PPP6R2: variants seen among roughly 807,000 people sequenced by gnomAD.
The protein encoded by PPP6R2 is serine/threonine-protein phosphatase 6 regulatory subunit 2.
In PPP6R2, 62 loss-of-function variants were observed where a neutral mutation model predicts 100.2. That is an observed-to-expected ratio of 0.62 (90% CI 0.50 to 0.76). PPP6R2 has a LOEUF of 0.76. Ranked by LOEUF, PPP6R2 falls within the 30% of genes least tolerant of loss-of-function variation. The probability of loss-of-function intolerance (pLI) is 0.00; values close to 1 mark genes in which losing one functional copy is unlikely to be tolerated. For missense variants in PPP6R2, 1,142 were observed against 1,276.3 expected, an observed-to-expected ratio of 0.89 and a Z score of 1.60; for synonymous variants, 525 against 514.7, an observed-to-expected ratio of 1.02 and a Z score of -0.27.
intron 18 of PPP6R2, 132 bp downstream of exon 18, chr22:50,438,430 A>G (rs1244228284): frequency 6.8e-6 from 10 of 1,469,300 alleles, no homozygotes; most frequent in South Asian, 2.7e-5. Context: ...CTGGGGCCCA[A>G]TGCAGCGGGT....
At chr22:50,414,348 CCCG>C (rs2060219994) in intron 4 of PPP6R2, among the ~76,000 whole-genome samples, 1 of 74,356 alleles carries the variant, frequency 1.3e-5, no homozygotes, top group Non-Finnish European at 4.0e-5. Flanking sequence ...CCCCCCCCCC[CCCG>C]CCCAGACCCT....
chr22:50,334,243 C>A, the PPP6R2 span, among the ~76,000 whole-genome samples: 295 of 152,282 alleles, frequency 1.9e-3, 1 homozygote, highest in African/African-American at 6.0e-3. Context: ...TTTTCCTGGT[C>A]CGCTGAGTAA....
rs368676108 is a variant in PPP6R2, at chr22:50,440,995, A to G, written c.2548A>G (p.Thr850Ala). ...CGGCCGGGAGGCCCCCCCGCTGCCC[A>G]CAGTGGCCAGGACAGAGGAGGCTGT... is the stretch of plus-strand genomic sequence containing the variant. ...GPGREAPPLP[T>A]VARTEEAVGR... The change falls in exon 22 of 24, where the codon ACA (threonine) becomes GCA (alanine). Residue 850 changes from threonine to alanine, a missense_variant. Thr to Ala is a moderately conservative substitution (Grantham distance 58, BLOSUM62 0). This residue lies in a region of PPP6R2 where 550 missense variants were observed against 517.4 expected (regional missense o/e 1.06). Transcript: ENST00000612753. 6.3e-4 allele frequency: 1,019 copies of G among 1,609,024 alleles called. No homozygotes were observed. The highest frequency in any genetic ancestry group is 8.1e-4 in the Non-Finnish European group (954 of 1,177,644).
chr22:50,396,068 G>A (rs539524690), intron 3 of PPP6R2, among the ~76,000 whole-genome samples: 40 of 151,250 alleles, frequency 2.6e-4, no homozygotes, highest in African/African-American at 9.0e-4. Flanking sequence ...AGTGGCGCAC[G>A]CCTGTAATCT....
chr22:50,441,036 G>A lies in PPP6R2; in HGVS notation c.2579+10G>A, dbSNP rs1325925482. On this transcript the variant is annotated intron_variant, in intron 22 of 23. Coordinates refer to ENST00000612753, the MANE Select transcript of PPP6R2 (RefSeq NM_001242898.2). Reference sequence around the variant, plus strand: ...AGGAGGCTGTCGGCAGGTGTGTGGGGCGTGGCGGGGGCGGGCCTGCCGGGT... The same window carrying A: ...AGGAGGCTGTCGGCAGGTGTGTGGGACGTGGCGGGGGCGGGCCTGCCGGGT... 1.9e-6 allele frequency: 3 copies of A among 1,555,318 alleles called. No individual in the cohort carries two copies. The highest frequency in any genetic ancestry group is 2.6e-6 in the Non-Finnish European group (3 of 1,147,920).
chr22:50,436,397 A>G lies in PPP6R2; in HGVS notation c.1547A>G (p.Glu516Gly). The stretch of plus-strand genomic sequence containing the variant: ...CCTGCGGACTGCCGTGGCCGCTGGG[A>G]GAGCTTCGTGGAGGAGACGCTGACG... ...GLPADCRGRW[E>G]SFVEETLTET... is the part of the protein sequence containing the mutation. The change falls in exon 14 of 24, where the codon GAG becomes GGG. Residue 516 changes from glutamate (E) to glycine (G), a missense_variant. Glu to Gly is a moderately conservative substitution (Grantham distance 98). This residue lies in a region of PPP6R2 where 592 missense variants were observed against 758.9 expected (regional missense o/e 0.78). Transcript: ENST00000612753. 6.3e-7 allele frequency: 1 copy of G among 1,589,734 alleles called. No homozygotes were observed. Among genetic ancestry groups the G allele is most frequent in the South Asian group, 1.2e-5 (1 of 86,890 alleles).
At chr22:50,379,904 A>G (rs1458358252) in intron 2 of PPP6R2, among the ~76,000 whole-genome samples, 1 of 152,184 alleles carries the variant, frequency 6.6e-6, no homozygotes. Context: ...GTTTAGTAAT[A>G]TAATAATATC....
intron 3 of PPP6R2, among the ~76,000 whole-genome samples, chr22:50,406,203 T>C (rs183984520): frequency 5.0e-4 from 45 of 89,512 alleles, no homozygotes; most frequent in African/African-American, 2.2e-3. Context: ...TGGAGAGAGG[T>C]GAGAGACCTG....
At chr22:50,356,988 T>C (rs1409006921) in intron 1 of PPP6R2, among the ~76,000 whole-genome samples, 5 of 151,884 alleles carry the variant, frequency 3.3e-5, no homozygotes, top group Admixed American at 3.3e-4. Context: ...ACTGGAAACA[T>C]TTTACACTCC....
upstream of PPP6R2, among the ~76,000 whole-genome samples, chr22:50,338,680 A>ATGTGGTGTGTGTGTG (rs2042331612): frequency 9.9e-5 from 11 of 110,692 alleles, 1 homozygote; most frequent in South Asian, 2.1e-3. Flanking sequence ...GTGTGTGTGT[A>ATGTGGTGTGTGTGTG]GTATGTGGTG....
chr22:50,444,495 G>A lies in PPP6R2; in HGVS notation c.*248G>A, dbSNP rs1467660645. The A allele has an allele frequency of 6.7e-6, 2 of 298,672 alleles. No individual in the cohort carries two copies. The highest frequency in any genetic ancestry group is 1.2e-5 in the Non-Finnish European group (2 of 163,466). 18.5% of individuals were successfully genotyped at this position (298,672 alleles called of 1,614,324 possible). ...CACCTCAGCCGCCCCCAAGCCCAGA[G>A]CACAGCAATAAGGTCGGCCTGCAGG... On this transcript the variant is annotated 3_prime_UTR_variant, in exon 24 of 24. Transcript: ENST00000612753.
At chr22:50,443,837 C>G (rs895711409) in intron 22 of PPP6R2, 29 bp from the exon 23 acceptor site, 1 of 1,549,068 alleles carries the variant, frequency 6.5e-7, no homozygotes, top group South Asian at 1.2e-5. Flanking sequence ...TGGGGGTGCC[C>G]GTAACCGGAG....
chr22:50,441,697 GA>G (rs2065665652), intron 22 of PPP6R2, among the ~76,000 whole-genome samples: 1 of 152,144 alleles, frequency 6.6e-6, no homozygotes. Context: ...AGAGAGTGGA[GA>G]GGGAGGCTCT....
chr22:50,425,473 G>A (rs182232274), intron 10 of PPP6R2, among the ~76,000 whole-genome samples: 6 of 152,178 alleles, frequency 3.9e-5, no homozygotes, highest in African/African-American at 9.7e-5. Context: ...ACAAATACCT[G>A]TTTGAGTCCT....
rs775376732 is a variant in PPP6R2 at position 50,418,971 on chromosome 22, G to A, written c.723G>A (p.Ala241=). The stretch of plus-strand genomic sequence containing the variant: ...TGGAGCCAGACCCGCTCCTCACAGC[G>A]CTGGAGTCGTGAGTGCTGGTGGGCC... The part of the protein sequence containing the change: ...EALEPDPLLT[A]LESQDCVEQL... Residue 241 remains alanine (A), a synonymous_variant, in exon 7 of 24, where the codon GCG becomes GCA. Transcript: ENST00000612753. 4.3e-6 allele frequency: 7 copies of A among 1,612,702 alleles called. No homozygotes were observed. Among genetic ancestry groups the A allele is most frequent in the Non-Finnish European group, 4.2e-6 (5 of 1,178,840 alleles).
intron 1 of PPP6R2, among the ~76,000 whole-genome samples, chr22:50,361,256 T>C (rs2047730658): frequency 6.6e-6 from 1 of 152,186 alleles, no homozygotes; most frequent in South Asian, 2.1e-4. Context: ...AATCTGGTTA[T>C]CATATGGAGA....
intron 2 of PPP6R2, among the ~76,000 whole-genome samples, chr22:50,392,660 A>T (rs2055877828): frequency 6.6e-6 from 1 of 152,234 alleles, no homozygotes; most frequent in South Asian, 2.1e-4. Flanking sequence ...GAGACCCAGG[A>T]GCTGCCCAGA....
chr22:50,374,222 T>A (rs1055479374), intron 2 of PPP6R2, among the ~76,000 whole-genome samples: 10 of 151,964 alleles, frequency 6.6e-5, no homozygotes, highest in African/African-American at 2.4e-4. Context: ...CGTTAAAAAT[T>A]AAGATGACCC....
chr22:50,410,286 C>T (rs2059556955), intron 4 of PPP6R2, among the ~76,000 whole-genome samples: 1 of 152,134 alleles, frequency 6.6e-6, no homozygotes, highest in African/African-American at 2.4e-5. Flanking sequence ...TAGTGTAGCA[C>T]AGCCACTTCC....
Sources: allele counts gnomAD v4.1 joint callset (sites outside exome capture counted in the v4.1 genomes callset), GRCh38; gene constraint gnomAD v4.1.1; regional missense constraint gnomAD v4.1.1; transcripts MANE v1.5; gene names NCBI Gene and HGNC (gene_info 2026-07-23, HGNC 2026-07-21).